The following CBX7 variants were observed in gnomAD, a reference collection of about 807,000 sequenced individuals.
CBX7 encodes chromobox protein homolog 7.
A neutral mutation model predicts 31.4 loss-of-function variants in CBX7; 14 were observed. That is an observed-to-expected ratio of 0.45 (90% CI 0.29 to 0.70). The LOEUF is 0.70. CBX7 is among the 30% of genes least tolerant of loss of function. The pLI is 0.11. For missense variants in CBX7, 269 were observed against 351.9 expected (o/e 0.76, Z 1.89); for synonymous variants, 159 against 152.6 (o/e 1.04, Z -0.31).
At chr22:39,138,180 C>T (rs868213793) in intron 4 of CBX7, among the ~76,000 whole-genome samples, 99 of 129,908 alleles carry the variant, frequency 7.6e-4, no homozygotes, top group African/African-American at 2.8e-3. Context: ...GAGACTCCGT[C>T]TCAAAAAAAA....
chr22:39,152,558 GGCGCGCACGCGCAC>G lies in CBX7; in HGVS notation c.-128_-115del, dbSNP rs1346955210. 2 of 302,674 alleles carry G rather than the reference GGCGCGCACGCGCAC, an allele frequency of 6.6e-6. No homozygotes were observed. Among genetic ancestry groups the G allele is most frequent in the African/African-American group, 2.3e-5 (1 of 43,782 alleles). 18.7% of individuals were successfully genotyped at this position (302,674 alleles called of 1,614,324 possible). ...GCGGGGTCCCCGTCACCCTCGTCCG[GGCGCGCACGCGCAC>G]GCGCACGCGCGCACACCCCCTCGCG... On this transcript the variant is annotated 5_prime_UTR_variant, in exon 1 of 6. It removes the in-frame stop codon of an upstream open reading frame in the 5' UTR. Transcript: ENST00000216133. The surrounding 1 kb of genome is among the most constrained non-coding windows in gnomAD (Gnocchi z 4.9).
chr22:39,141,666 T>C (rs1930461526), intron 2 of CBX7, among the ~76,000 whole-genome samples: 1 of 151,800 alleles, frequency 6.6e-6, no homozygotes, highest in Non-Finnish European at 1.5e-5. Flanking sequence ...GGAGAATTGC[T>C]TGAACCCAAG....
chr22:39,134,431 C>T lies in CBX7; in HGVS notation c.568G>A (p.Glu190Lys). ...PDVLQAAGEW[E>K]PAAQPPEEEA... ...TCTTCAGGGGGCTGCGCAGCAGGCTCCCACTCGCCAGCCGCCTGCAGGACG... is the reference window on the plus strand; with the variant it reads ...TCTTCAGGGGGCTGCGCAGCAGGCTTCCACTCGCCAGCCGCCTGCAGGACG... Residue 190 changes from glutamate (E) to lysine (K), a missense_variant, in exon 5 of 6, where the codon GAG (glutamate) becomes AAG (lysine). Glu to Lys is a moderately conservative substitution (Grantham distance 56). Transcript: ENST00000216133. 6.2e-7 allele frequency: 1 copy of T among 1,602,978 alleles called. No individual in the cohort carries two copies. The highest frequency in any genetic ancestry group is 8.5e-7 in the Non-Finnish European group (1 of 1,179,574).
intron 3 of CBX7, among the ~76,000 whole-genome samples, chr22:39,139,933 A>T (rs1030446814): frequency 7.2e-5 from 11 of 151,954 alleles, no homozygotes; most frequent in African/African-American, 2.4e-4. Context: ...CTGTCTCAAA[A>T]AACAAAAAAA....
Position 39,138,629 on chromosome 22 carries a change from T to C in CBX7, c.246+7A>G. ...GGAGAAAGGAGGCACAAAGGCAGGC[T>C]GGTTACCTGCAGCAGAAGCCGCTTG... On this transcript the variant is annotated splice_region_variant and intron_variant, in intron 4 of 5. Transcript: ENST00000216133. The C allele has an allele frequency of 6.2e-7, 1 of 1,613,796 alleles. No homozygotes were observed.
rs773804062 is a variant in CBX7 at position 39,144,827 on chromosome 22, C to T, written c.114-3391G>A. ...ACTACAGTAACAGCAGGTGTGCGGC[C>T]GGGACCGCCAGGACCGCACCCATCC... On this transcript the variant is annotated intron_variant, in intron 2 of 5. Coordinates refer to ENST00000216133, the MANE Select transcript of CBX7 (RefSeq NM_175709.5). Among the ~76,000 whole-genome samples the T allele has an allele frequency of 4.9e-4, 74 of 152,220 alleles. 1 individual carries two copies. Among genetic ancestry groups the T allele is most frequent in the Non-Finnish European group, 1.9e-4 (13 of 68,034 alleles).
chr22:39,136,584 G>A (rs1407931848), intron 4 of CBX7: 5 of 152,540 alleles, frequency 3.3e-5, no homozygotes, highest in East Asian at 3.8e-4. Context: ...GGCAGATCCC[G>A]CAGCCCTGGT....
intron 2 of CBX7, among the ~76,000 whole-genome samples, chr22:39,142,638 G>A (rs1240663568): frequency 6.6e-6 from 1 of 152,208 alleles, no homozygotes; most frequent in Non-Finnish European, 1.5e-5. Context: ...CTTCGTATCT[G>A]CCTTTAGAGG....
intron 2 of CBX7, among the ~76,000 whole-genome samples, chr22:39,145,579 G>A (rs1930620999): frequency 6.6e-6 from 1 of 151,966 alleles, no homozygotes; most frequent in Non-Finnish European, 1.5e-5. Flanking sequence ...GGACTGCGGG[G>A]GTCTGCACTG....
chr22:39,138,525 A>G, intron 4 of CBX7, 111 bp downstream of exon 4: 1 of 1,002,608 alleles, frequency 1.0e-6, no homozygotes, highest in East Asian at 2.4e-5. Flanking sequence ...TGGGTGGTAC[A>G]GGCGAGGGGA....
intron 3 of CBX7, among the ~76,000 whole-genome samples, chr22:39,140,869 C>A (rs992690539): frequency 6.6e-6 from 1 of 152,128 alleles, no homozygotes; most frequent in Non-Finnish European, 1.5e-5. Context: ...ACTCAGAAAT[C>A]CCAGCCCCAA....
chr22:39,134,290 G>T, intron 5 of CBX7, 111 bp downstream of exon 5: 2 of 1,003,128 alleles, frequency 2.0e-6, no homozygotes, highest in Non-Finnish European at 2.8e-6. Flanking sequence ...GCCCAGACCC[G>T]ACTGGCCCCA....
intron 3 of CBX7, among the ~76,000 whole-genome samples, chr22:39,139,065 G>A (rs1357018306): frequency 2.0e-5 from 3 of 152,102 alleles, no homozygotes; most frequent in Non-Finnish European, 4.4e-5. Context: ...GAGTGATACA[G>A]AAGCCTGTCA....
intron 4 of CBX7, among the ~76,000 whole-genome samples, chr22:39,137,141 TC>T (rs1930282425): frequency 1.3e-5 from 2 of 152,168 alleles, no homozygotes; most frequent in Non-Finnish European, 2.9e-5. Context: ...GCATTCCTTA[TC>T]CGAAATGCTT....
At chr22:39,146,763 G>A (rs1930674971) in intron 2 of CBX7, among the ~76,000 whole-genome samples, 1 of 152,216 alleles carries the variant, frequency 6.6e-6, no homozygotes, top group African/African-American at 2.4e-5. Flanking sequence ...TGTGACCACT[G>A]ACATCATTCC....
chr22:39,141,567 G>A (rs1280855634), intron 2 of CBX7, 131 bp from the exon 3 acceptor site: 4 of 626,996 alleles, frequency 6.4e-6, no homozygotes, highest in African/African-American at 5.7e-5. Context: ...TGGCCAACAT[G>A]GCAAAACCCC....
At chr22:39,147,731 T>C (rs898312812) in intron 2 of CBX7, 1 of 152,132 alleles carries the variant, frequency 6.6e-6, no homozygotes, top group African/African-American at 2.4e-5. Context: ...GTGCATGGGG[T>C]TGGCAGTTAT....
intron 1 of CBX7, among the ~76,000 whole-genome samples, chr22:39,150,485 G>A (rs1930812044): frequency 6.6e-6 from 1 of 152,216 alleles, no homozygotes; most frequent in Non-Finnish European, 1.5e-5. Context: ...GGCTTTAAAA[G>A]TTTACAGTTA....
intron 3 of CBX7, 105 bp from the exon 4 acceptor site, chr22:39,138,807 C>T: frequency 9.8e-7 from 1 of 1,024,628 alleles, no homozygotes; most frequent in Non-Finnish European, 1.5e-6. Context: ...AGGGAGGGGA[C>T]ACTCCCCACA....
Sources: allele counts gnomAD v4.1 joint callset (sites outside exome capture counted in the v4.1 genomes callset), GRCh38; gene constraint gnomAD v4.1.1; non-coding constraint Gnocchi (gnomAD v3.1); transcripts MANE v1.5; gene names NCBI Gene and HGNC (gene_info 2026-07-23, HGNC 2026-07-21).